GLB1: variants seen among roughly 807,000 people sequenced by gnomAD.
GLB1 encodes the protein galactosidase beta 1, also known as beta-galactosidase.
Under a neutral mutation model 74.0 loss-of-function variants are expected in GLB1, and 56 were observed. That is an observed-to-expected ratio of 0.76 (90% CI 0.61 to 0.94). The LOEUF is 0.94. Ranked by LOEUF, GLB1 falls within the 40% of genes least tolerant of loss-of-function variation. The pLI, the probability that GLB1 is intolerant of heterozygous loss-of-function variation, is 0.00. For missense variants in GLB1, 787 were observed against 845.5 expected (o/e 0.93, Z 0.86); for synonymous variants, 323 against 323.6 (o/e 1.00, Z 0.02).
intron 1 of GLB1, among the ~76,000 whole-genome samples, chr3:33,074,023 CAAA>C (rs61415844): frequency 6.1e-5 from 5 of 81,696 alleles, no homozygotes; most frequent in Admixed American, 1.4e-4. Flanking sequence ...GACATTGTCT[CAAA>C]AAAAAAAAAA....
At chr3:33,092,869 C>T (rs1700826097) in intron 1 of GLB1, 5 of 1,611,514 alleles carry the variant, frequency 3.1e-6, no homozygotes, top group East Asian at 2.2e-5. Flanking sequence ...TCTGTGATCT[C>T]GGCCCTGCTA....
intron 1 of GLB1, among the ~76,000 whole-genome samples, chr3:33,082,050 A>G (rs1173622147): frequency 6.6e-6 from 1 of 152,112 alleles, no homozygotes; most frequent in Non-Finnish European, 1.5e-5. Flanking sequence ...TATTCCTCCA[A>G]TCCTTCCCAA....
At chr3:33,092,225 A>G in intron 1 of GLB1, 1 of 985,734 alleles carries the variant, frequency 1.0e-6, no homozygotes, top group Non-Finnish European at 1.2e-6. Context: ...AAGGCCTGGA[A>G]CAGGAGGAGC....
In GLB1 at chr3:33,030,268, A is replaced by T. The variant is rs1461090632; in HGVS notation, c.1069-5943T>A. The T allele has an allele frequency of 2.6e-5, 4 of 154,660 alleles. No individual in the cohort carries two copies. The Admixed American group carries it at 2.6e-4, about 10-fold the overall frequency. The allele number at this position is 154,660 out of a possible 1,614,324, so 9.6% of individuals were successfully genotyped here. A position where few individuals can be genotyped will look rare whatever the true frequency, so the allele number is the denominator to read the frequency against. On this transcript the variant is annotated intron_variant, in intron 10 of 15. Coordinates refer to ENST00000307363, the MANE Select transcript of GLB1 (RefSeq NM_000404.4). ...AAGTCATGGAAGGTATCCTGACCACATCAGTGTTTTAGATACTACACTTGA... is the reference window on the plus strand; with the variant it reads ...AAGTCATGGAAGGTATCCTGACCACTTCAGTGTTTTAGATACTACACTTGA...
chr3:33,041,012 C>T (rs1450308132), intron 10 of GLB1, among the ~76,000 whole-genome samples: 1 of 151,952 alleles, frequency 6.6e-6, no homozygotes, highest in African/African-American at 2.4e-5. Flanking sequence ...CAGAATGCTG[C>T]ACAGAGAAAA....
At chr3:33,056,186 C>T (rs912996652) in intron 6 of GLB1, among the ~76,000 whole-genome samples, 7 of 119,004 alleles carry the variant, frequency 5.9e-5, no homozygotes, top group Non-Finnish European at 1.1e-4. Flanking sequence ...AGGATCGGGT[C>T]GTTGCACTCC....
chr3:33,073,145 GT>G (rs1290166271), intron 1 of GLB1, among the ~76,000 whole-genome samples: 1 of 152,056 alleles, frequency 6.6e-6, no homozygotes, highest in African/African-American at 2.4e-5. Context: ...AATTCTAAGT[GT>G]AAAATACAGG....
At chr3:33,071,295 C>T (rs547972403) in intron 2 of GLB1, among the ~76,000 whole-genome samples, 3 of 152,298 alleles carry the variant, frequency 2.0e-5, no homozygotes, top group South Asian at 2.1e-4. Context: ...GAATAATGAG[C>T]GCATTCTCCC....
At chr3:33,069,869 A>C (rs925823282) in intron 2 of GLB1, among the ~76,000 whole-genome samples, 1 of 152,146 alleles carries the variant, frequency 6.6e-6, no homozygotes, top group Non-Finnish European at 1.5e-5. Context: ...TTATACAGGT[A>C]AATTGCGTGT....
At chr3:33,024,061 A>C (rs1045159181) in intron 11 of GLB1, among the ~76,000 whole-genome samples, 190 bp downstream of exon 11, 1 of 152,210 alleles carries the variant, frequency 6.6e-6, no homozygotes, top group African/African-American at 2.4e-5. Flanking sequence ...AACAGGCATG[A>C]GTATCTTCTC....
intron 5 of GLB1, among the ~76,000 whole-genome samples, chr3:33,063,824 T>C (rs1699549094): frequency 6.6e-6 from 1 of 152,060 alleles, no homozygotes; most frequent in Non-Finnish European, 1.5e-5. Context: ...TGGTAAAAAC[T>C]AGGGGCACGT....
At position 33,072,530 on chromosome 3, in the gene GLB1, G is replaced by A; in HGVS notation, c.245+14C>T. On this transcript the variant is annotated intron_variant, in intron 2 of 15. Coordinates refer to ENST00000307363, the MANE Select transcript of GLB1 (RefSeq NM_000404.4). Reference sequence around the variant, plus strand: ...GTTCAGGCCTAGGTGAGAGCCACATGCCCTCCTACTTACGTCTGGATGGCG... The same window carrying A: ...GTTCAGGCCTAGGTGAGAGCCACATACCCTCCTACTTACGTCTGGATGGCG... 1.2e-6 allele frequency: 2 copies of A among 1,612,702 alleles called. No individual in the cohort carries two copies. The highest frequency in any genetic ancestry group is 1.7e-6 in the Non-Finnish European group (2 of 1,179,984).
At chr3:32,989,442 A>G in the GLB1 span, among the ~76,000 whole-genome samples, 1 of 152,194 alleles carries the variant, frequency 6.6e-6, no homozygotes, top group South Asian at 2.1e-4. Flanking sequence ...TTAAACCAGA[A>G]GAGATATGAT....
At chr3:33,094,055 C>G in intron 1 of GLB1, 1 of 1,614,234 alleles carries the variant, frequency 6.2e-7, no homozygotes, top group Non-Finnish European at 8.5e-7. Flanking sequence ...ACAGGGCAAG[C>G]TGCAAGCGAA....
At chr3:32,977,398 G>GT in the GLB1 span, among the ~76,000 whole-genome samples, 2 of 151,908 alleles carry the variant, frequency 1.3e-5, no homozygotes, top group Non-Finnish European at 2.9e-5. Context: ...TAGAGATGAG[G>GT]TTTCTCACCA....
chr3:32,992,113 C>T (rs1429189973), downstream of GLB1, among the ~76,000 whole-genome samples: 1 of 152,220 alleles, frequency 6.6e-6, no homozygotes, highest in Non-Finnish European at 1.5e-5. Context: ...GCCTTTAAGT[C>T]CAAACCCTGG....
chr3:33,036,507 C>T (rs994266168), intron 10 of GLB1, among the ~76,000 whole-genome samples: 10 of 152,114 alleles, frequency 6.6e-5, no homozygotes, highest in African/African-American at 2.2e-4. Context: ...ACCAGCAACT[C>T]CACTTCTAGG....
At chr3:33,028,661 C>CA (rs574458140) in intron 10 of GLB1, among the ~76,000 whole-genome samples, 17 of 147,116 alleles carry the variant, frequency 1.2e-4, no homozygotes, top group South Asian at 8.6e-4. Context: ...GTCATTTACC[C>CA]AAAAATTTTT....
At chr3:33,011,053 T>C (rs1384797413) in intron 15 of GLB1, among the ~76,000 whole-genome samples, 2 of 152,088 alleles carry the variant, frequency 1.3e-5, no homozygotes, top group Non-Finnish European at 2.9e-5. Flanking sequence ...AATGGGGTTC[T>C]GCCATGTTGC....
Sources: allele counts gnomAD v4.1 joint callset (sites outside exome capture counted in the v4.1 genomes callset), GRCh38; gene constraint gnomAD v4.1.1; transcripts MANE v1.5; gene names NCBI Gene and HGNC (gene_info 2026-07-23, HGNC 2026-07-21).